FMN2: variants seen among roughly 807,000 people sequenced by gnomAD.
FMN2 encodes formin 2.
In FMN2, 51 loss-of-function variants were observed where a neutral mutation model predicts 142.3. The observed-to-expected ratio is 0.36, with a 90% CI of 0.29 to 0.45. FMN2 has a LOEUF of 0.45. Among genes scored for constraint, FMN2 ranks in the 20% least tolerant of loss-of-function variants. The pLI, the probability that FMN2 is intolerant of heterozygous loss-of-function variation, is 1.00. For missense variants in FMN2, 1,936 were observed against 2,122.8 expected (o/e 0.91, Z 1.73); for synonymous variants, 882 against 869.8 (o/e 1.01, Z -0.25).
intron 7 of FMN2, among the ~76,000 whole-genome samples, chr1:240,291,999 C>T (rs200926169): frequency 8.1e-5 from 6 of 74,390 alleles, no homozygotes; most frequent in Non-Finnish European, 1.4e-4. Context: ...CTTGCCCCTG[C>T]CCCATAAAGG....
chr1:240,137,465 A>G (rs890543116), intron 2 of FMN2, among the ~76,000 whole-genome samples: 1 of 152,206 alleles, frequency 6.6e-6, no homozygotes, highest in Non-Finnish European at 1.5e-5. Flanking sequence ...GCACCTGGCC[A>G]TATTTGGCTG....
intron 1 of FMN2, among the ~76,000 whole-genome samples, chr1:240,118,211 G>A (rs1289833701): frequency 1.3e-5 from 2 of 152,248 alleles, no homozygotes; most frequent in African/African-American, 2.4e-5. Flanking sequence ...GTTGCCTTGG[G>A]TTATAAAATA....
intron 6 of FMN2, among the ~76,000 whole-genome samples, chr1:240,217,020 T>C (rs1358567058): frequency 1.3e-5 from 2 of 152,174 alleles, no homozygotes; most frequent in African/African-American, 2.4e-5. Context: ...GCTGCTCTTA[T>C]ATGGGAGTAC....
intron 15 of FMN2, among the ~76,000 whole-genome samples, chr1:240,405,278 T>TA (rs1405022818): frequency 2.0e-5 from 3 of 152,226 alleles, no homozygotes; most frequent in South Asian, 2.1e-4. Context: ...TTTTGTTTTT[T>TA]AAAAAAATAG....
chr1:240,127,234 A>G (rs754551131), intron 2 of FMN2, among the ~76,000 whole-genome samples: 4 of 149,502 alleles, frequency 2.7e-5, no homozygotes, highest in Non-Finnish European at 5.9e-5. Context: ...AGCAATTTCT[A>G]GCTAATTTTT....
chr1:240,378,253 C>T (rs569931839), intron 14 of FMN2, among the ~76,000 whole-genome samples: 12 of 152,116 alleles, frequency 7.9e-5, no homozygotes, highest in East Asian at 3.9e-4. Context: ...CAAGAACAAA[C>T]GATTCTCCTG....
At position 240,258,540 on chromosome 1, in the gene FMN2, C is replaced by T. The variant is rs199733866; in HGVS notation, c.4153+508C>T. On this transcript the variant is annotated intron_variant, in intron 7 of 17. Transcript: ENST00000319653. ...CTACCCTTGTGACCTAATGACCACG[C>T]GACCTAGTGACCACCACCTAGGATC... 6.6e-5 allele frequency among the ~76,000 whole-genome samples: 10 copies of T among 152,136 alleles called. No homozygotes were observed. In the East Asian group the frequency reaches 9.6e-4, roughly 15 times the overall value.
chr1:240,234,226 T>A (rs980142367), intron 6 of FMN2, among the ~76,000 whole-genome samples: 19 of 152,046 alleles, frequency 1.2e-4, no homozygotes, highest in African/African-American at 4.6e-4. Context: ...ATTATTGAAT[T>A]TTTTTGCATT....
intron 6 of FMN2, among the ~76,000 whole-genome samples, chr1:240,255,186 C>T (rs1668409291): frequency 2.0e-5 from 3 of 152,154 alleles, no homozygotes; most frequent in African/African-American, 7.2e-5. Flanking sequence ...AGCAGACTGC[C>T]CCACTTCCCT....
chr1:240,210,212 T>C (rs902629286), intron 5 of FMN2, among the ~76,000 whole-genome samples: 1 of 152,184 alleles, frequency 6.6e-6, no homozygotes, highest in African/African-American at 2.4e-5. Context: ...GAGACAATGC[T>C]GTGATACTTG....
chr1:240,467,464 C>T (rs1465086267), intron 16 of FMN2, among the ~76,000 whole-genome samples: 2 of 152,014 alleles, frequency 1.3e-5, no homozygotes, highest in Non-Finnish European at 2.9e-5. Context: ...GATGGGGTTT[C>T]ACCATGTTGG....
At chr1:240,406,782 C>G (rs1445772268) in intron 15 of FMN2, among the ~76,000 whole-genome samples, 2 of 152,156 alleles carry the variant, frequency 1.3e-5, no homozygotes, top group South Asian at 2.1e-4. Flanking sequence ...TCCCCCAGCC[C>G]GGTCTATAGT....
intron 5 of FMN2, among the ~76,000 whole-genome samples, chr1:240,210,210 G>A (rs1171163625): frequency 6.6e-6 from 1 of 152,158 alleles, no homozygotes; most frequent in Non-Finnish European, 1.5e-5. Context: ...TTGAGACAAT[G>A]CTGTGATACT....
intron 2 of FMN2, among the ~76,000 whole-genome samples, chr1:240,126,263 CT>C (rs1242598904): frequency 6.6e-6 from 1 of 152,048 alleles, no homozygotes; most frequent in African/African-American, 2.4e-5. Context: ...CAGAAAATGG[CT>C]GTTGGGGACA....
At chr1:240,379,982 T>A (rs376409209) in intron 14 of FMN2, among the ~76,000 whole-genome samples, 2 of 152,000 alleles carry the variant, frequency 1.3e-5, no homozygotes, top group African/African-American at 2.4e-5. Context: ...CAGATTCATT[T>A]AAAAAAACAT....
intron 15 of FMN2, among the ~76,000 whole-genome samples, chr1:240,394,158 C>A (rs1293973499): frequency 1.3e-5 from 2 of 152,078 alleles, no homozygotes; most frequent in Admixed American, 1.3e-4. Flanking sequence ...TGTCCAGATG[C>A]AATGATCTGG....
chr1:240,423,829 A>T (rs1345619654), intron 15 of FMN2, among the ~76,000 whole-genome samples: 2 of 152,166 alleles, frequency 1.3e-5, no homozygotes, highest in African/African-American at 4.8e-5. Context: ...AAATAGCCAG[A>T]ACTGCTGCAT....
chr1:240,345,644 G>A (rs970477462), intron 13 of FMN2, among the ~76,000 whole-genome samples: 9 of 151,870 alleles, frequency 5.9e-5, no homozygotes, highest in East Asian at 1.9e-4. Flanking sequence ...CACCATGACC[G>A]GCTAATTTTT....
Position 240,355,951 on chromosome 1 carries a change from C to CAAAAAAAAAAAA in FMN2, c.4858+67_4858+78dup, listed in dbSNP as rs58002724. ...GTGTTATGTTTTTCTCCCCTTTCAG[C>CAAAAAAAAAAAA]AAAAAAAAAAAAAAAAAAAAAAAAA... On this transcript the variant is annotated intron_variant, in intron 14 of 17. Transcript: ENST00000319653. The CAAAAAAAAAAAA allele has an allele frequency of 3.5e-4, 88 of 252,868 alleles. 5 individuals are homozygous for CAAAAAAAAAAAA. The highest frequency in any genetic ancestry group is 1.4e-3 in the Middle Eastern group (1 of 698). The allele number at this position is 252,868 out of a possible 1,614,324, so 15.7% of individuals were successfully genotyped here.
Sources: gnomAD v4.1 joint callset for allele counts (sites outside exome capture counted in the v4.1 genomes callset) on GRCh38, gnomAD v4.1.1 for gene constraint, MANE v1.5 for transcripts, NCBI Gene and HGNC (gene_info 2026-07-23, HGNC 2026-07-21) for gene names.